The following FTO variants were observed in gnomAD, a reference collection of about 807,000 sequenced individuals.
FTO encodes the protein alpha-ketoglutarate-dependent dioxygenase FTO.
A neutral mutation model predicts 63.9 loss-of-function variants in FTO; 47 were observed. The observed-to-expected ratio is 0.74, with a 90% CI of 0.58 to 0.94. The LOEUF is 0.94. Ranked by LOEUF, FTO falls within the 40% of genes least tolerant of loss-of-function variation. FTO has a pLI of 0.00. For synonymous variants in FTO, 207 were observed against 224.4 expected (o/e 0.92, Z 0.69); for missense variants, 562 against 618.1 (o/e 0.91, Z 0.96).
chr16:53,722,221 T>C (rs8063472), intron 1 of FTO, among the ~76,000 whole-genome samples: 60,310 of 151,694 alleles, frequency 0.4, 13,216 homozygotes, highest in Non-Finnish European at 0.51. Context: ...CCGTATGTGG[T>C]TGACGTTAGG....
intron 8 of FTO, among the ~76,000 whole-genome samples, chr16:54,042,184 C>A (rs2085096299): frequency 1.3e-5 from 2 of 150,678 alleles, no homozygotes; most frequent in East Asian, 4.0e-4. Context: ...TCTGCATTTC[C>A]ATCTGAGGTA....
intron 8 of FTO, among the ~76,000 whole-genome samples, chr16:54,090,824 T>G (rs1391231709): frequency 6.6e-6 from 1 of 152,146 alleles, no homozygotes; most frequent in Non-Finnish European, 1.5e-5. Flanking sequence ...GTGACTATAG[T>G]CAGGGAGCAG....
At chr16:53,842,746 T>C (rs8047333) in intron 3 of FTO, among the ~76,000 whole-genome samples, 7,631 of 152,246 alleles carry the variant, frequency 0.05, 600 homozygotes, top group East Asian at 0.37. Flanking sequence ...CTATCACAAC[T>C]CACTGCAGCC....
At chr16:53,938,597 A>C (rs1254644429) in intron 8 of FTO, among the ~76,000 whole-genome samples, 1 of 152,206 alleles carries the variant, frequency 6.6e-6, no homozygotes, top group Non-Finnish European at 1.5e-5. Flanking sequence ...GCTGTGCATA[A>C]TAGGGAGTGA....
chr16:54,007,150 C>T (rs373930615), intron 8 of FTO, among the ~76,000 whole-genome samples: 16 of 152,046 alleles, frequency 1.1e-4, no homozygotes, highest in Admixed American at 3.3e-4. Flanking sequence ...GGTGTACATA[C>T]GTGAAAAATT....
chr16:53,719,887 TC>T (rs2075996517), intron 1 of FTO, among the ~76,000 whole-genome samples: 1 of 152,144 alleles, frequency 6.6e-6, no homozygotes, highest in African/African-American at 2.4e-5. Flanking sequence ...TATTCAGTAT[TC>T]TAATGATTTT....
chr16:53,741,849 G>A (rs1343100939), intron 1 of FTO, among the ~76,000 whole-genome samples: 1 of 152,206 alleles, frequency 6.6e-6, no homozygotes, highest in Non-Finnish European at 1.5e-5. Flanking sequence ...TCACAAAGCT[G>A]TTGGCTGGGA....
chr16:53,820,548 A>G (rs2078831763), intron 2 of FTO, among the ~76,000 whole-genome samples: 1 of 151,630 alleles, frequency 6.6e-6, no homozygotes, highest in South Asian at 2.1e-4. Context: ...TTACATATGT[A>G]TACATGTGCC....
chr16:53,907,104 C>T (rs933208877), intron 7 of FTO, among the ~76,000 whole-genome samples: 1 of 152,188 alleles, frequency 6.6e-6, no homozygotes, highest in East Asian at 1.9e-4. Flanking sequence ...ATGGGTTCCA[C>T]TTGCTCTTAG....
chr16:54,066,978 A>C (rs114698489), intron 8 of FTO, among the ~76,000 whole-genome samples: 160 of 152,266 alleles, frequency 1.1e-3, no homozygotes, highest in African/African-American at 3.7e-3. Context: ...TCACACTCAT[A>C]TTTCTTTGGC....
chr16:53,716,431 A>C (rs941932739), intron 1 of FTO, among the ~76,000 whole-genome samples: 10 of 152,056 alleles, frequency 6.6e-5, no homozygotes, highest in African/African-American at 2.4e-4. Flanking sequence ...AGAACGTGGA[A>C]TCCTTTAGCT....
chr16:54,104,328 TTTGG>T, intron 8 of FTO, among the ~76,000 whole-genome samples: 1 of 151,668 alleles, frequency 6.6e-6, no homozygotes, highest in African/African-American at 2.4e-5. Context: ...TTTTTTTTTT[TTTGG>T]GATGGAGTTT....
chr16:54,059,024 G>A (rs1398183568), intron 8 of FTO, among the ~76,000 whole-genome samples: 2 of 152,280 alleles, frequency 1.3e-5, no homozygotes, highest in African/African-American at 2.4e-5. Context: ...CTAATATTTT[G>A]TATCAGCTCA....
chr16:54,107,446 T>G (rs1016601769), intron 8 of FTO, among the ~76,000 whole-genome samples: 5 of 152,204 alleles, frequency 3.3e-5, no homozygotes, highest in African/African-American at 1.2e-4. Flanking sequence ...CCAGTGTGGA[T>G]GGACCAGCAT....
intron 8 of FTO, among the ~76,000 whole-genome samples, chr16:54,100,405 T>G (rs2086613686): frequency 6.6e-6 from 1 of 152,142 alleles, no homozygotes; most frequent in South Asian, 2.1e-4. Context: ...TAGGCTGGAG[T>G]GCAGTGGCAC....
rs562607715 is a variant in FTO, at chr16:53,941,508, A to T, written c.1364+7399A>T. On this transcript the variant is annotated intron_variant, in intron 8 of 8. Transcript: ENST00000471389. ...CATTTTTATCTCTCCTACCAGAATG[A>T]AAGTTTTATGAGGATTGGACGTTTG... Among the ~76,000 whole-genome samples, 3 of 152,340 alleles carry T rather than the reference A, an allele frequency of 2.0e-5. No individual in the cohort carries two copies. The South Asian group carries it at 6.2e-4, about 32-fold the overall frequency.
At chr16:53,765,135 T>G (rs2077168918) in intron 1 of FTO, among the ~76,000 whole-genome samples, 2 of 152,168 alleles carry the variant, frequency 1.3e-5, no homozygotes, top group African/African-American at 4.8e-5. Flanking sequence ...GCATGTTCAT[T>G]TTGCAGATTT....
At chr16:53,855,809 G>A (rs1156383865) in intron 4 of FTO, among the ~76,000 whole-genome samples, 1 of 152,070 alleles carries the variant, frequency 6.6e-6, no homozygotes, top group African/African-American at 2.4e-5. Context: ...AAGAGACACA[G>A]TATCTGGATC....
chr16:54,110,786 C>T (rs1400274974), intron 8 of FTO, among the ~76,000 whole-genome samples: 4 of 152,184 alleles, frequency 2.6e-5, no homozygotes, highest in Non-Finnish European at 5.9e-5. Flanking sequence ...GTGCAATGCT[C>T]CCAAGTGTCC....
Sources: allele counts gnomAD v4.1 joint callset (sites outside exome capture counted in the v4.1 genomes callset), GRCh38; gene constraint gnomAD v4.1.1; transcripts MANE v1.5; gene names NCBI Gene and HGNC (gene_info 2026-07-23, HGNC 2026-07-21).